CCDC172: variants seen among roughly 807,000 people sequenced by gnomAD.
The protein encoded by CCDC172 is coiled-coil domain containing 172, also known as coiled-coil domain-containing protein 172.
In CCDC172, 30 loss-of-function variants were observed where a neutral mutation model predicts 38.0. That is an observed-to-expected ratio of 0.79 (90% CI 0.59 to 1.07). The LOEUF (loss-of-function observed/expected upper bound fraction) is 1.07. Among genes scored for constraint, CCDC172 ranks in the 50% least tolerant of loss-of-function variants. The pLI, the probability that CCDC172 is intolerant of heterozygous loss-of-function variation, is 0.00. For missense variants in CCDC172, 297 were observed against 290.1 expected (o/e 1.02, Z -0.17); for synonymous variants, 78 against 88.3 (o/e 0.88, Z 0.66).
At chr10:116,379,253 T>C in intron 8 of CCDC172, 70 bp from the exon 9 acceptor site, 1 of 797,544 alleles carries the variant, frequency 1.3e-6, no homozygotes, top group East Asian at 3.1e-5. Context: ...TAAATTTAGG[T>C]ACATTTTATG....
chr10:116,377,191 T>A (rs1845256618), intron 7 of CCDC172, among the ~76,000 whole-genome samples: 1 of 152,044 alleles, frequency 6.6e-6, no homozygotes, highest in Non-Finnish European at 1.5e-5. Context: ...AATAAAAAAA[T>A]CAGTATAAAC....
At position 116,379,450 on chromosome 10, in the gene CCDC172, C is replaced by A; in HGVS notation, c.*92C>A. The A allele has an allele frequency of 2.7e-6, 2 of 752,104 alleles. No homozygotes were observed. The highest frequency in any genetic ancestry group is 2.9e-5 in the East Asian group (1 of 34,590). 46.6% of individuals were successfully genotyped at this position (752,104 alleles called of 1,614,324 possible). On this transcript the variant is annotated 3_prime_UTR_variant, in exon 9 of 9. Transcript: ENST00000333254. Reference sequence around the variant, plus strand: ...GATATATGAATGGTACCCGTTACAACGGATCCTTGTGGGAAATATGGGGTT... The same window carrying A: ...GATATATGAATGGTACCCGTTACAAAGGATCCTTGTGGGAAATATGGGGTT...
At chr10:116,372,863 A>G (rs1160340820) in intron 7 of CCDC172, among the ~76,000 whole-genome samples, 2 of 152,198 alleles carry the variant, frequency 1.3e-5, no homozygotes, top group Non-Finnish European at 2.9e-5. Context: ...CATGCAAACC[A>G]GAAGACAAGG....
intron 7 of CCDC172, among the ~76,000 whole-genome samples, chr10:116,362,592 G>A (rs1418183025): frequency 1.3e-5 from 2 of 152,088 alleles, no homozygotes; most frequent in African/African-American, 4.8e-5. Flanking sequence ...CATTATCTTT[G>A]CTCTTTGTTT....
At chr10:116,368,232 T>C (rs1339231223) in intron 7 of CCDC172, among the ~76,000 whole-genome samples, 1 of 152,146 alleles carries the variant, frequency 6.6e-6, no homozygotes, top group Non-Finnish European at 1.5e-5. Context: ...GGATGACCCT[T>C]TGATACCTTG....
At chr10:116,377,255 T>A (rs1406650774) in intron 7 of CCDC172, among the ~76,000 whole-genome samples, 1 of 152,188 alleles carries the variant, frequency 6.6e-6, no homozygotes, top group African/African-American at 2.4e-5. Context: ...ATAGTCATAA[T>A]TCAGAGGAGA....
At chr10:116,357,718 T>G in intron 6 of CCDC172, 118 bp from the exon 7 acceptor site, 1 of 687,018 alleles carries the variant, frequency 1.5e-6, no homozygotes, top group African/African-American at 1.9e-5. Context: ...ATAAAAATCA[T>G]TAGTGTATAA....
intron 7 of CCDC172, among the ~76,000 whole-genome samples, chr10:116,373,892 A>G (rs1462227973): frequency 6.6e-6 from 1 of 152,212 alleles, no homozygotes; most frequent in Non-Finnish European, 1.5e-5. Context: ...ACAACTTTAA[A>G]AAAATACAGT....
intron 2 of CCDC172, 30 bp from the exon 3 acceptor site, chr10:116,325,273 A>G (rs1301165898): frequency 4.4e-6 from 7 of 1,585,738 alleles, no homozygotes; most frequent in Non-Finnish European, 6.0e-6. Context: ...AGAAAGATTG[A>G]TGTGTTTAAA....
intron 3 of CCDC172, 112 bp downstream of exon 3, chr10:116,325,500 C>G (rs150059691): frequency 1.3e-6 from 1 of 772,458 alleles, no homozygotes; most frequent in African/African-American, 1.8e-5. Context: ...AAGCACGTTA[C>G]TCTGTGCTGG....
At chr10:116,342,329 T>C (rs1272106723) in intron 5 of CCDC172, 128 bp downstream of exon 5, 1 of 685,976 alleles carries the variant, frequency 1.5e-6, no homozygotes, top group Admixed American at 3.6e-5. Flanking sequence ...CTTTTACTTT[T>C]ATTGATTTAA....
At chr10:116,364,682 A>G (rs904660504) in intron 7 of CCDC172, among the ~76,000 whole-genome samples, 8 of 152,200 alleles carry the variant, frequency 5.3e-5, no homozygotes, top group Non-Finnish European at 1.0e-4. Context: ...GAGCACACAC[A>G]CAAATACATA....
intron 5 of CCDC172, among the ~76,000 whole-genome samples, chr10:116,343,535 A>T (rs1353419194): frequency 1.4e-5 from 2 of 143,470 alleles, no homozygotes; most frequent in African/African-American, 5.4e-5. Flanking sequence ...TTTTTTTTAA[A>T]AAAATATATA....
chr10:116,365,311 T>C (rs994749586), intron 7 of CCDC172, among the ~76,000 whole-genome samples: 1 of 152,184 alleles, frequency 6.6e-6, no homozygotes. Context: ...TTCAGCAGTC[T>C]CTCATTCTTA....
At chr10:116,333,336 G>C (rs975249077) in intron 3 of CCDC172, among the ~76,000 whole-genome samples, 3 of 152,102 alleles carry the variant, frequency 2.0e-5, no homozygotes, top group Non-Finnish European at 4.4e-5. Context: ...AAAGCTGATT[G>C]ACAAGCTGAT....
chr10:116,335,101 T>G (rs1004695392), intron 3 of CCDC172, among the ~76,000 whole-genome samples: 2 of 152,084 alleles, frequency 1.3e-5, no homozygotes, highest in Non-Finnish European at 2.9e-5. Flanking sequence ...TTGCTGGAAT[T>G]TTTAATGTTT....
intron 4 of CCDC172, 38 bp from the exon 5 acceptor site, chr10:116,341,998 C>T (rs768785665): frequency 2.3e-6 from 3 of 1,323,568 alleles, no homozygotes; most frequent in African/African-American, 3.1e-5. Context: ...ATTATTGCAA[C>T]TAACACCTAT....
intron 5 of CCDC172, among the ~76,000 whole-genome samples, chr10:116,343,557 T>C (rs1181288101): frequency 6.6e-6 from 1 of 151,752 alleles, no homozygotes; most frequent in Non-Finnish European, 1.5e-5. Flanking sequence ...AAAAGATAGC[T>C]TGCATTTGCA....
intron 7 of CCDC172, 147 bp downstream of exon 7, chr10:116,358,085 A>T (rs542066000): frequency 3.5e-6 from 2 of 565,308 alleles, no homozygotes; most frequent in Non-Finnish European, 6.2e-6. Flanking sequence ...ACACGTGCTA[A>T]TAAGGAAACA....
Sources: allele counts gnomAD v4.1 joint callset (sites outside exome capture counted in the v4.1 genomes callset), GRCh38; gene constraint gnomAD v4.1.1; transcripts MANE v1.5; gene names NCBI Gene and HGNC (gene_info 2026-07-23, HGNC 2026-07-21).